The following SCHIP1 variants were observed in gnomAD, a reference collection of about 807,000 sequenced individuals.
SCHIP1 encodes schwannomin interacting protein 1, also known as schwannomin-interacting protein 1.
Under a neutral mutation model 29.7 loss-of-function variants are expected in SCHIP1, and 8 were observed. The observed-to-expected ratio is 0.27, with a 90% CI of 0.16 to 0.49. SCHIP1 has a LOEUF of 0.49. Among genes scored for constraint, SCHIP1 ranks in the 20% least tolerant of loss-of-function variants. SCHIP1 has a pLI of 0.99. For synonymous variants in SCHIP1, 76 were observed against 94.9 expected (o/e 0.80, Z 1.16); for missense variants, 193 against 294.6 (o/e 0.66, Z 2.52).
chr3:159,681,846 C>G, the SCHIP1 span, among the ~76,000 whole-genome samples: 1 of 151,742 alleles, frequency 6.6e-6, no homozygotes, highest in African/African-American at 2.4e-5. Flanking sequence ...GTTAACTCAA[C>G]GTTAACTTAG....
At chr3:159,675,992 G>A in the SCHIP1 span, among the ~76,000 whole-genome samples, 4 of 152,136 alleles carry the variant, frequency 2.6e-5, no homozygotes, top group Non-Finnish European at 4.4e-5. Flanking sequence ...TTAGCCAGGC[G>A]TGGTGGCAGG....
At chr3:159,453,172 G>GGA in the SCHIP1 span, among the ~76,000 whole-genome samples, 1 of 152,204 alleles carries the variant, frequency 6.6e-6, no homozygotes, top group African/African-American at 2.4e-5. Flanking sequence ...AGCCACAGCT[G>GGA]GAGACTGCAC....
chr3:159,860,899 T>G (rs1387092943), intron 1 of SCHIP1, among the ~76,000 whole-genome samples: 1 of 152,154 alleles, frequency 6.6e-6, no homozygotes, highest in Non-Finnish European at 1.5e-5. Context: ...CCCCTTCCTC[T>G]TGGTCTGACA....
chr3:159,713,241 AAAGAAAGAAAG>A, the SCHIP1 span, among the ~76,000 whole-genome samples: 4 of 88,032 alleles, frequency 4.5e-5, no homozygotes, highest in Admixed American at 3.9e-4. Context: ...AGGAAGAAAG[AAAGAAAGAAAG>A]AAAGAAAGAA....
chr3:159,656,710 A>G, the SCHIP1 span, among the ~76,000 whole-genome samples: 2 of 152,328 alleles, frequency 1.3e-5, no homozygotes, highest in East Asian at 3.9e-4. Flanking sequence ...GCCCCCGAAC[A>G]TAGTTCTGTA....
the SCHIP1 span, among the ~76,000 whole-genome samples, chr3:159,713,270 AAG>A: frequency 6.6e-6 from 1 of 151,392 alleles, no homozygotes; most frequent in East Asian, 1.9e-4. Context: ...GAAAGAAAGA[AAG>A]AAAGAAAGAA....
the SCHIP1 span, among the ~76,000 whole-genome samples, chr3:159,276,700 G>A: frequency 2.6e-5 from 4 of 152,080 alleles, no homozygotes; most frequent in Non-Finnish European, 1.5e-5. Context: ...AGAGCTTAGG[G>A]ACTTTTCATG....
chr3:159,838,273 TAA>T (rs1743866674), upstream of SCHIP1, among the ~76,000 whole-genome samples: 2 of 152,328 alleles, frequency 1.3e-5, no homozygotes, highest in Admixed American at 6.5e-5. Context: ...ACAAAACAGA[TAA>T]GTTATTAAAA....
chr3:159,631,471 CAATAA>C, the SCHIP1 span, among the ~76,000 whole-genome samples: 1 of 152,096 alleles, frequency 6.6e-6, no homozygotes, highest in Non-Finnish European at 1.5e-5. Context: ...TAAATACATA[CAATAA>C]AATATTATTC....
chr3:159,422,198 C>T, the SCHIP1 span, among the ~76,000 whole-genome samples: 3 of 152,072 alleles, frequency 2.0e-5, no homozygotes, highest in Admixed American at 2.0e-4. Context: ...CTGAGGGTGC[C>T]TTATTTTATT....
At chr3:159,839,793 G>C, upstream of SCHIP1, 1 of 891,268 alleles carries the variant, frequency 1.1e-6, no homozygotes, top group Non-Finnish European at 1.5e-6. Context: ...ATGAGGACTA[G>C]AATGTTTCCA....
the SCHIP1 span, among the ~76,000 whole-genome samples, chr3:159,329,036 C>G: frequency 6.6e-6 from 1 of 152,090 alleles, no homozygotes; most frequent in Non-Finnish European, 1.5e-5. Flanking sequence ...GTCTTAGATC[C>G]TTTTCCTTTT....
the SCHIP1 span, among the ~76,000 whole-genome samples, chr3:159,359,570 T>G: frequency 6.6e-6 from 1 of 152,226 alleles, no homozygotes; most frequent in Non-Finnish European, 1.5e-5. Flanking sequence ...GTTATCAAAG[T>G]CGTTAATTTT....
the SCHIP1 span, among the ~76,000 whole-genome samples, chr3:159,434,669 T>C: frequency 6.6e-6 from 1 of 152,160 alleles, no homozygotes; most frequent in Non-Finnish European, 1.5e-5. Context: ...CTCCAGTAGA[T>C]CTACTTTAGA....
At chr3:159,816,340 T>G in the SCHIP1 span, among the ~76,000 whole-genome samples, 1 of 152,182 alleles carries the variant, frequency 6.6e-6, no homozygotes, top group Non-Finnish European at 1.5e-5. Flanking sequence ...GGTGCAGTCA[T>G]GGCTTACTGC....
chr3:159,370,919 T>G, the SCHIP1 span, among the ~76,000 whole-genome samples: 2 of 152,144 alleles, frequency 1.3e-5, no homozygotes, highest in Non-Finnish European at 2.9e-5. Flanking sequence ...TTTTCTTAGT[T>G]TTCCAGCTTG....
chr3:159,895,159 A>G (rs751326774), intron 6 of SCHIP1, among the ~76,000 whole-genome samples: 5 of 152,204 alleles, frequency 3.3e-5, no homozygotes, highest in Non-Finnish European at 7.3e-5. Flanking sequence ...GGGCTATAAG[A>G]TGGTCTGCTA....
intron 1 of SCHIP1, among the ~76,000 whole-genome samples, chr3:159,864,327 C>A (rs1714372746): frequency 6.6e-6 from 1 of 152,044 alleles, no homozygotes; most frequent in South Asian, 2.1e-4. Context: ...ATTCTTGCTT[C>A]CCTCCATAAC....
chr3:159,759,738 C>T, the SCHIP1 span, among the ~76,000 whole-genome samples: 1 of 152,148 alleles, frequency 6.6e-6, no homozygotes, highest in South Asian at 2.1e-4. Context: ...GCATGTAATT[C>T]ATGTAATAAA....
Sources: allele counts gnomAD v4.1 joint callset (sites outside exome capture counted in the v4.1 genomes callset), GRCh38; gene constraint gnomAD v4.1.1; transcripts MANE v1.5; gene names NCBI Gene and HGNC (gene_info 2026-07-23, HGNC 2026-07-21).